Variants in SACS observed in about 807,000 individuals in gnomAD.
SACS encodes sacsin.
SACS carries 197 observed loss-of-function variants against 348.0 expected under a neutral mutation model. That is an observed-to-expected ratio of 0.57 (90% CI 0.50 to 0.64). The LOEUF is 0.64. Among genes scored for constraint, SACS ranks in the 30% least tolerant of loss-of-function variants. SACS has a pLI of 0.00. For synonymous variants in SACS, 1,985 were observed against 1,910.6 expected (o/e 1.04, Z -1.02); for missense variants, 4,999 against 5,360.8 (o/e 0.93, Z 2.11).
chr13:23,418,332 G>T (rs1353655515), intron 1 of SACS, among the ~76,000 whole-genome samples: 2 of 152,068 alleles, frequency 1.3e-5, no homozygotes, highest in African/African-American at 4.8e-5. Context: ...TAATGAAATA[G>T]TAATATACAT....
chr13:23,352,428 C>T (rs1870021248), intron 9 of SACS, among the ~76,000 whole-genome samples: 2 of 152,108 alleles, frequency 1.3e-5, no homozygotes, highest in South Asian at 2.1e-4. Context: ...TCATGGCTAC[C>T]CTGGAATGGT....
intron 5 of SACS, among the ~76,000 whole-genome samples, chr13:23,365,515 T>G (rs1871009240): frequency 6.6e-6 from 1 of 152,212 alleles, no homozygotes; most frequent in Non-Finnish European, 1.5e-5. Context: ...TCTTTTAATT[T>G]GCTATCACTT....
chr13:23,333,645 G>C lies in SACS; in HGVS notation c.10231C>G (p.Pro3411Ala), dbSNP rs752299286. 11 of 1,613,664 alleles carry C rather than the reference G, an allele frequency of 6.8e-6. No individual in the cohort carries two copies. In the African/African-American group the frequency reaches 1.3e-4, roughly 20 times the overall value. The change falls in exon 10 of 10, where the codon CCG (proline) becomes GCG (alanine). Residue 3411 changes from proline to alanine, a missense_variant. Coordinates refer to ENST00000382292, the MANE Select transcript of SACS (RefSeq NM_014363.6). ...QDDIKILKSLPCYKSISGRYV... is the reference protein window; with the variant it reads ...QDDIKILKSLACYKSISGRYV... ...CGGCCACTGATGGATTTATAGCACG[G>C]AAGTGACTTTAGAATTTTTATATCA...
chr13:23,332,129 A>G lies in SACS; in HGVS notation c.11747T>C (p.Leu3916Ser). Residue 3916 changes from leucine to serine, a missense_variant, in exon 10 of 10, where the codon TTG (leucine) becomes TCG (serine). By Grantham distance (145) the Leu-to-Ser change is moderately radical. Coordinates refer to ENST00000382292, the MANE Select transcript of SACS (RefSeq NM_014363.6). ...AAACACTAAGATGCTTGACTTTACC[A>G]ATCTACCATCCTGGCTTGGGAGGTA... is the stretch of plus-strand genomic sequence containing the variant. ...ALYLPSQDGR[L>S]VKSSILVFDD... 1 of 1,614,046 alleles carries G rather than the reference A, an allele frequency of 6.2e-7. No homozygotes were observed. The highest frequency in any genetic ancestry group is 8.5e-7 in the Non-Finnish European group (1 of 1,179,966).
chr13:23,337,136 G>A lies in SACS; in HGVS notation c.6740C>T (p.Thr2247Ile), dbSNP rs1190128123. 9 of 1,613,970 alleles carry A rather than the reference G, an allele frequency of 5.6e-6. No homozygotes were observed. The highest frequency in any genetic ancestry group is 2.2e-5 in the South Asian group (2 of 91,074). Reference protein sequence around the residue: ...ETMFAATDLYTAEHQDIVCLL... With the variant: ...ETMFAATDLYIAEHQDIVCLL... Reference sequence around the variant, plus strand: ...ACAAACTATATCTTGATGTTCAGCTGTATAAAGGTCAGTTGCTGCAAACAT... The same window carrying A: ...ACAAACTATATCTTGATGTTCAGCTATATAAAGGTCAGTTGCTGCAAACAT... Residue 2247 changes from threonine to isoleucine, a missense_variant, in exon 10 of 10, where the codon ACA becomes ATA. Thr to Ile is a moderately conservative substitution (Grantham distance 89). Coordinates refer to ENST00000382292, the MANE Select transcript of SACS (RefSeq NM_014363.6).
intron 1 of SACS, among the ~76,000 whole-genome samples, chr13:23,414,193 A>G (rs1365062210): frequency 1.3e-5 from 2 of 152,154 alleles, no homozygotes; most frequent in African/African-American, 4.8e-5. Context: ...AGTCCCAGCT[A>G]CTCAGGAGGC....
intron 5 of SACS, among the ~76,000 whole-genome samples, chr13:23,366,778 T>C (rs943412452): frequency 6.6e-6 from 1 of 152,238 alleles, no homozygotes; most frequent in Non-Finnish European, 1.5e-5. Context: ...AGAGATTGTT[T>C]GTAAACTAAC....
intron 4 of SACS, among the ~76,000 whole-genome samples, chr13:23,370,534 G>A (rs942756936): frequency 1.3e-5 from 2 of 152,060 alleles, no homozygotes; most frequent in African/African-American, 4.8e-5. Flanking sequence ...GTTATTCATG[G>A]GCCCTGTACT....
chr13:23,341,873 G>A (rs949731983), intron 9 of SACS, among the ~76,000 whole-genome samples, 183 bp from the exon 10 acceptor site: 9 of 129,420 alleles, frequency 7.0e-5, no homozygotes, highest in African/African-American at 2.0e-4. Context: ...TGCAAGCTCC[G>A]CCTCCCGGGT....
At chr13:23,429,464 G>A (rs892069807) in intron 1 of SACS, among the ~76,000 whole-genome samples, 2 of 142,584 alleles carry the variant, frequency 1.4e-5, no homozygotes, top group African/African-American at 2.6e-5. Context: ...CCGGGTTCAC[G>A]CCATTCTCCT....
intron 9 of SACS, among the ~76,000 whole-genome samples, chr13:23,342,759 G>A (rs907063942): frequency 6.6e-6 from 1 of 152,200 alleles, no homozygotes; most frequent in Non-Finnish European, 1.5e-5. Context: ...ACAGAGACTG[G>A]AGTCTCAGTT....
At chr13:23,346,306 G>A (rs571340059) in intron 9 of SACS, among the ~76,000 whole-genome samples, 119 of 152,180 alleles carry the variant, frequency 7.8e-4, no homozygotes, top group African/African-American at 2.8e-3. Flanking sequence ...CACCACGCCT[G>A]GCTAATTTTT....
In SACS at chr13:23,375,665, G is replaced by GC. The variant is rs566020811; in HGVS notation, c.21-397dup. On this transcript the variant is annotated intron_variant, in intron 2 of 9. Transcript: ENST00000382292. ...CGCCCCGCCCCTCCCGCCAGGCCCC[G>GC]CCCCCAGGGAACGCCCATCCAGGCC... The GC allele has an allele frequency of 2.5e-3, 1,488 of 588,764 alleles. 21 individuals are homozygous for GC. In the African/African-American group the frequency reaches 0.06, roughly 24 times the overall value. 36.5% of individuals were successfully genotyped at this position (588,764 alleles called of 1,614,324 possible).
chr13:23,345,313 C>T (rs1869526734), intron 9 of SACS, among the ~76,000 whole-genome samples: 2 of 152,266 alleles, frequency 1.3e-5, no homozygotes, highest in Admixed American at 6.5e-5. Context: ...AGAAATGAAA[C>T]AACCAAACTA....
In SACS at chr13:23,330,899, T is replaced by C; in HGVS notation, c.12977A>G (p.Lys4326Arg). 1.9e-6 allele frequency: 3 copies of C among 1,614,162 alleles called. No individual in the cohort carries two copies. The highest frequency in any genetic ancestry group is 2.5e-6 in the Non-Finnish European group (3 of 1,180,022). ...QAWKLPESERKKIIRRLYLKW... is the reference protein window; with the variant it reads ...QAWKLPESERRKIIRRLYLKW... ...CAAATACAACCGCCTAATAATCTTT[T>C]TTCGTTCCGATTCTGGAAGCTTCCA... is the stretch of plus-strand genomic sequence containing the variant. The change falls in exon 10 of 10, where the codon AAA (lysine) becomes AGA (arginine). Residue 4326 changes from lysine to arginine, a missense_variant. This residue lies in a region of SACS where 831 missense variants were observed against 941.8 expected (regional missense o/e 0.88). Transcript: ENST00000382292.
chr13:23,334,563 A>T lies in SACS; in HGVS notation c.9313T>A (p.Phe3105Ile), dbSNP rs772612755. ...PADIRSFLMT[F>I]SSPDTNCHIG... ...TGGCAATTAGTGTCAGGAGAGGAAA[A>T]TGTCATTAAAAAAGATCTGATATCA... The change falls in exon 10 of 10, where the codon TTT becomes ATT. Residue 3105 changes from phenylalanine (F) to isoleucine (I), a missense_variant. Phe to Ile is a conservative substitution (Grantham distance 21). Transcript: ENST00000382292. 1.2e-6 allele frequency: 2 copies of T among 1,613,442 alleles called. No homozygotes were observed. The highest frequency in any genetic ancestry group is 1.1e-5 in the South Asian group (1 of 91,074).
chr13:23,429,655 G>A (rs935879542), intron 1 of SACS, among the ~76,000 whole-genome samples: 1 of 151,744 alleles, frequency 6.6e-6, no homozygotes, highest in African/African-American at 2.4e-5. Flanking sequence ...GAGCCACCGT[G>A]CCAGGCCCGA....
At chr13:23,429,664 G>A (rs1309049515) in intron 1 of SACS, among the ~76,000 whole-genome samples, 3 of 152,036 alleles carry the variant, frequency 2.0e-5, no homozygotes, top group South Asian at 2.1e-4. Context: ...TGCCAGGCCC[G>A]AGGTAGGGAT....
At chr13:23,432,822 C>T (rs1017625295) in intron 1 of SACS, among the ~76,000 whole-genome samples, 3 of 152,032 alleles carry the variant, frequency 2.0e-5, no homozygotes, top group Non-Finnish European at 2.9e-5. Context: ...TTTACTTAAG[C>T]GGAATGGGCT....
Sources: gnomAD v4.1 joint callset for allele counts (sites outside exome capture counted in the v4.1 genomes callset) on GRCh38, gnomAD v4.1.1 for gene constraint, gnomAD v4.1.1 regional missense constraint, MANE v1.5 for transcripts, NCBI Gene and HGNC (gene_info 2026-07-23, HGNC 2026-07-21) for gene names.